Variants in DGLUCY observed in about 807,000 individuals in gnomAD.
The protein encoded by DGLUCY is D-glutamate cyclase, mitochondrial.
Under a neutral mutation model 58.5 loss-of-function variants are expected in DGLUCY, and 58 were observed. That is an observed-to-expected ratio of 0.99 (90% CI 0.80 to 1.23). The LOEUF is 1.23. DGLUCY is among the 50% of genes most tolerant of loss of function. The probability of loss-of-function intolerance (pLI) is 0.00; values close to 1 mark genes in which losing one functional copy is unlikely to be tolerated. For missense variants in DGLUCY, 779 were observed against 784.7 expected, an observed-to-expected ratio of 0.99 and a Z score of 0.09; for synonymous variants, 325 against 314.1, an observed-to-expected ratio of 1.03 and a Z score of -0.37.
In DGLUCY at chr14:91,181,836, AG is replaced by A. The variant is rs578094036; in HGVS notation, c.934+449del. 7.4e-3 allele frequency among the ~76,000 whole-genome samples: 1,130 copies of A among 151,802 alleles called. 9 individuals are homozygous for A. The highest frequency in any genetic ancestry group is 0.012 in the Non-Finnish European group (797 of 67,914). ...TAATTTTTGTATTTTTAGCAGAGAC[AG>A]GATTTCACCATGTTGGCCAGGCTGG... On this transcript the variant is annotated intron_variant, in intron 8 of 13. Transcript: ENST00000256324.
intron 1 of DGLUCY, among the ~76,000 whole-genome samples, chr14:91,127,643 T>G (rs1310703097): frequency 6.6e-6 from 1 of 152,218 alleles, no homozygotes; most frequent in Non-Finnish European, 1.5e-5. Flanking sequence ...GGAAACTGCT[T>G]CTTCCGGTTT....
At position 91,060,616 on chromosome 14, in the gene DGLUCY, C is replaced by A. The variant is rs573791947; in HGVS notation, c.-170C>A. ...CACGGCTCGCTCCTCGCCTCCTCCCCCTTCGGCGGGCACCGCTAGTACCGC... is the reference window on the plus strand; with the variant it reads ...CACGGCTCGCTCCTCGCCTCCTCCCACTTCGGCGGGCACCGCTAGTACCGC... On this transcript the variant is annotated 5_prime_UTR_variant, in exon 1 of 5. Transcript: ENST00000521334. 2.0e-5 allele frequency: 17 copies of A among 833,970 alleles called. 1 individual carries two copies. The highest frequency in any genetic ancestry group is 1.0e-4 in the East Asian group (3 of 29,102). 51.7% of individuals were successfully genotyped at this position (833,970 alleles called of 1,614,324 possible). A position where few individuals can be genotyped will look rare whatever the true frequency, so the allele number is the denominator to read the frequency against.
intron 6 of DGLUCY, among the ~76,000 whole-genome samples, chr14:91,174,679 T>TTAATCAAACTCAAAGAGTTTGGGTA (rs1488673083): frequency 6.6e-6 from 1 of 152,136 alleles, no homozygotes; most frequent in Non-Finnish European, 1.5e-5. Flanking sequence ...CTCCAGGAAA[T>TTAATCAAACTCAAAGAGTTTGGGTA]TAATCAAACT....
At chr14:91,100,145 C>T (rs770559791) in intron 1 of DGLUCY, among the ~76,000 whole-genome samples, 4 of 151,788 alleles carry the variant, frequency 2.6e-5, no homozygotes, top group Non-Finnish European at 4.4e-5. Context: ...TTTGATGAGC[C>T]CAAGTTCAAT....
intron 1 of DGLUCY, among the ~76,000 whole-genome samples, chr14:91,157,262 A>G (rs143113626): frequency 0.14 from 3,976 of 28,376 alleles, 87 homozygotes; most frequent in South Asian, 0.22. Context: ...TGGATGAATG[A>G]ATGGGTGGAT....
chr14:91,119,076 C>T (rs1460084366), intron 1 of DGLUCY, among the ~76,000 whole-genome samples: 1 of 152,054 alleles, frequency 6.6e-6, no homozygotes, highest in Non-Finnish European at 1.5e-5. Context: ...AAAAAAGATC[C>T]CAAAATACAT....
At chr14:91,193,792 A>G (rs2050045578) in intron 9 of DGLUCY, among the ~76,000 whole-genome samples, 1 of 151,820 alleles carries the variant, frequency 6.6e-6, no homozygotes, top group East Asian at 1.9e-4. Context: ...CAGTGAGCTG[A>G]AATTGTACCA....
At chr14:91,150,176 G>A (rs538786023) in intron 1 of DGLUCY, among the ~76,000 whole-genome samples, 4 of 135,544 alleles carry the variant, frequency 3.0e-5, no homozygotes, top group Admixed American at 8.4e-5. Context: ...TGGAGATTGC[G>A]CCGCTGCACT....
chr14:91,065,652 C>T (rs887606507), intron 1 of DGLUCY, among the ~76,000 whole-genome samples: 4 of 152,120 alleles, frequency 2.6e-5, no homozygotes, highest in Admixed American at 1.3e-4. Flanking sequence ...TAATGCACAA[C>T]TCTTGCACAA....
chr14:91,202,737 C>A lies in DGLUCY; in HGVS notation c.1445-1969C>A, dbSNP rs1275606293. Among the ~76,000 whole-genome samples, 2 of 152,186 alleles carry A rather than the reference C, an allele frequency of 1.3e-5. 1 individual carries two copies. The highest frequency in any genetic ancestry group is 2.9e-5 in the Non-Finnish European group (2 of 68,024). On this transcript the variant is annotated intron_variant, in intron 11 of 13. Transcript: ENST00000256324. ...CTAGAGCAATCCCGTCCTCCCACACCCGCAATGGGACCCCCATCTGTGCTG... is the reference window on the plus strand; with the variant it reads ...CTAGAGCAATCCCGTCCTCCCACACACGCAATGGGACCCCCATCTGTGCTG...
chr14:91,130,153 A>G (rs917346886), intron 1 of DGLUCY, among the ~76,000 whole-genome samples: 2 of 152,182 alleles, frequency 1.3e-5, no homozygotes, highest in African/African-American at 4.8e-5. Context: ...TATAACAATC[A>G]ACCCTTGCAC....
chr14:91,104,314 G>A (rs1051243420), upstream of DGLUCY, among the ~76,000 whole-genome samples: 5 of 151,560 alleles, frequency 3.3e-5, no homozygotes, highest in Non-Finnish European at 5.9e-5. Flanking sequence ...CGCCCTCCTC[G>A]GCCTCCCAAA....
intron 1 of DGLUCY, among the ~76,000 whole-genome samples, chr14:91,068,079 G>GCGCACACACACACACACA (rs375738080): frequency 3.6e-4 from 52 of 146,434 alleles, no homozygotes; most frequent in East Asian, 1.4e-3. Flanking sequence ...ACACGCGCAC[G>GCGCACACACACACACACA]CACACACACA....
chr14:91,101,824 G>A (rs2044491909), intron 1 of DGLUCY, among the ~76,000 whole-genome samples: 1 of 152,134 alleles, frequency 6.6e-6, no homozygotes. Flanking sequence ...CCTCTCAAGT[G>A]GCTGGAACCA....
intron 1 of DGLUCY, among the ~76,000 whole-genome samples, chr14:91,099,782 T>G (rs7152574): frequency 0.99 from 151,484 of 152,316 alleles, 75,335 homozygotes; most frequent in Middle Eastern, 1. Context: ...TGGTTTCCAG[T>G]TCTGCCCTTG....
At position 91,145,527 on chromosome 14, in the gene DGLUCY, G is replaced by A. The variant is rs928442691; in HGVS notation, c.-81-12112G>A. On this transcript the variant is annotated intron_variant, in intron 1 of 13. Transcript: ENST00000256324. ...GTGAGTTGAGGCCCCATTTGTACCC[G>A]CTCCACCAGGACTGAGGACAGGAAG... Among the ~76,000 whole-genome samples the A allele has an allele frequency of 6.6e-5, 10 of 152,168 alleles. No homozygotes were observed. In the East Asian group the frequency reaches 1.7e-3, roughly 26 times the overall value.
intron 1 of DGLUCY, among the ~76,000 whole-genome samples, chr14:91,134,952 TCTCA>T (rs535449296): frequency 2.5e-4 from 38 of 152,196 alleles, no homozygotes; most frequent in African/African-American, 7.9e-4. Context: ...TGTGACAGGA[TCTCA>T]CTCTGTAGCC....
At chr14:91,157,118 G>GCT (rs2047673524) in intron 1 of DGLUCY, among the ~76,000 whole-genome samples, 1 of 138,670 alleles carries the variant, frequency 7.2e-6, no homozygotes, top group Non-Finnish European at 1.6e-5. Flanking sequence ...TGGATGGATG[G>GCT]GTGGATGGAT....
chr14:91,134,859 A>G (rs1395395690), intron 1 of DGLUCY, among the ~76,000 whole-genome samples: 1 of 152,180 alleles, frequency 6.6e-6, no homozygotes, highest in Non-Finnish European at 1.5e-5. Flanking sequence ...TTTGTAGATA[A>G]TGTTGGGTTT....
Sources: allele counts gnomAD v4.1 joint callset (sites outside exome capture counted in the v4.1 genomes callset), GRCh38; gene constraint gnomAD v4.1.1; transcripts MANE v1.5; gene names NCBI Gene and HGNC (gene_info 2026-07-23, HGNC 2026-07-21).